Variants in SGO1 observed in about 807,000 individuals in gnomAD.
SGO1 encodes the protein shugoshin 1.
SGO1 carries 39 observed loss-of-function variants against 50.5 expected under a neutral mutation model. The ratio of observed to expected loss-of-function variants is 0.77; its 90% CI spans 0.60 to 1.01. The LOEUF is 1.01. Ranked by LOEUF, SGO1 falls within the 50% of genes least tolerant of loss-of-function variation. The pLI, the probability that SGO1 is intolerant of heterozygous loss-of-function variation, is 0.00. For synonymous variants in SGO1, 191 were observed against 205.1 expected (o/e 0.93, Z 0.59); for missense variants, 638 against 606.0 (o/e 1.05, Z -0.55).
At chr3:20,169,087 C>T (rs1700470991), downstream of SGO1, 7 of 985,064 alleles carry the variant, frequency 7.1e-6, no homozygotes, top group Non-Finnish European at 8.4e-6. Flanking sequence ...GTGTATGAAT[C>T]AGTGATGTGG....
Position 20,174,840 on chromosome 3 carries a change from G to T in SGO1, c.691C>A (p.Pro231Thr). ...TCAGGTATGTGCATGTTTACTAGTG[G>T]GTCTAAAAATCCAACTCTTTCGAAT... ...FEFERVGFLD[P>T]LVNMHIPENV... Residue 231 changes from proline (P) to threonine (T), a missense_variant, in exon 6 of 8, where the codon CCA (proline) becomes ACA (threonine). Transcript: ENST00000412997. 6.2e-7 allele frequency: 1 copy of T among 1,613,918 alleles called. No homozygotes were observed. The highest frequency in any genetic ancestry group is 8.5e-7 in the Non-Finnish European group (1 of 1,179,978).
chr3:20,161,445 C>T (rs1191518356), intron 8 of SGO1, among the ~76,000 whole-genome samples: 1 of 152,068 alleles, frequency 6.6e-6, no homozygotes, highest in Non-Finnish European at 1.5e-5. Flanking sequence ...TGACAGGTTA[C>T]ATAGGCTATG....
At chr3:20,161,829 A>G (rs1396370395) in intron 8 of SGO1, among the ~76,000 whole-genome samples, 1 of 152,250 alleles carries the variant, frequency 6.6e-6, no homozygotes, top group Non-Finnish European at 1.5e-5. Flanking sequence ...ACTTCTGCCT[A>G]TAAAGTCCTC....
In SGO1 at chr3:20,170,742, A is replaced by C. The variant is rs1450914543; in HGVS notation, c.1546T>G (p.Leu516Val). Residue 516 changes from leucine to valine, a missense_variant, in exon 8 of 8, where the codon TTG becomes GTG. Leu to Val is a conservative substitution (Grantham distance 32). Transcript: ENST00000412997. ...NSPIFKQKKD[L>V]RRSKKSMKQI... The stretch of plus-strand genomic sequence containing the variant: ...TTCATACTTTTTTTAGAACGTCTCA[A>C]ATCCTTTTTCTGCTTGAAAATAGGA... 6 of 1,592,672 alleles carry C rather than the reference A, an allele frequency of 3.8e-6. No individual in the cohort carries two copies. Among genetic ancestry groups the C allele is most frequent in the Non-Finnish European group, 4.3e-6 (5 of 1,175,160 alleles).
chr3:20,165,909 G>A (rs906629705), downstream of SGO1, among the ~76,000 whole-genome samples: 6 of 151,960 alleles, frequency 3.9e-5, no homozygotes, highest in African/African-American at 1.5e-4. Context: ...AAAAATAGCT[G>A]GGCATGGTGG....
At position 20,183,915 on chromosome 3, in the gene SGO1, G is replaced by C. The variant is rs1039777962; in HGVS notation, c.113C>G (p.Ser38Cys). The C allele has an allele frequency of 3.7e-6, 6 of 1,612,290 alleles. No homozygotes were observed. In the Admixed American group the frequency reaches 1.0e-4, roughly 27 times the overall value. Residue 38 changes from serine to cysteine, a missense_variant, in exon 2 of 8, where the codon TCT (serine) becomes TGT (cysteine). Physicochemically the swap from Ser to Cys is moderately radical, Grantham distance 112. Coordinates refer to ENST00000412997, the MANE Select transcript of SGO1 (RefSeq NM_001199251.3). ...TATTTGGCATGGTGCAGCTATAAAAGACCTGCGTTTGCCAATCTCTGCCAA... is the reference window on the plus strand; with the variant it reads ...TATTTGGCATGGTGCAGCTATAAAACACCTGCGTTTGCCAATCTCTGCCAA... ...KNLAEIGKRR[S>C]FIAAPCQIIT...
At chr3:20,160,927 G>A (rs1322282132) in exon 9 of SGO1, 2 of 858,418 alleles carry the variant, frequency 2.3e-6, no homozygotes, top group African/African-American at 3.5e-5. Context: ...CCCTGGGAAA[G>A]TTGCTATCTC....
intron 6 of SGO1, among the ~76,000 whole-genome samples, chr3:20,172,908 G>A (rs1700928102): frequency 6.6e-6 from 1 of 151,926 alleles, no homozygotes; most frequent in East Asian, 1.9e-4. Flanking sequence ...TGAGACTGCA[G>A]TGAGCCATGA....
At chr3:20,182,793 C>A (rs1366780860) in intron 3 of SGO1, among the ~76,000 whole-genome samples, 1 of 152,016 alleles carries the variant, frequency 6.6e-6, no homozygotes. Context: ...TCGACATGGG[C>A]GGATCACGAG....
downstream of SGO1, among the ~76,000 whole-genome samples, chr3:20,167,609 C>G (rs1305877003): frequency 1.3e-5 from 2 of 152,100 alleles, no homozygotes; most frequent in Non-Finnish European, 2.9e-5. Flanking sequence ...GTAATTAAAA[C>G]AAAGAAATAA....
At chr3:20,175,104 T>C in intron 5 of SGO1, 49 bp from the exon 6 acceptor site, 1 of 1,362,692 alleles carries the variant, frequency 7.3e-7, no homozygotes, top group Non-Finnish European at 9.5e-7. Flanking sequence ...TTTGTGGAAA[T>C]TTGAATTTCA....
intron 6 of SGO1, among the ~76,000 whole-genome samples, chr3:20,172,811 A>C (rs1022340085): frequency 6.6e-6 from 1 of 150,968 alleles, no homozygotes; most frequent in African/African-American, 2.4e-5. Flanking sequence ...AAAAAAAAAA[A>C]AAAAATTAGC....
At chr3:20,167,103 A>G (rs1270703944), downstream of SGO1, among the ~76,000 whole-genome samples, 1 of 152,192 alleles carries the variant, frequency 6.6e-6, no homozygotes, top group East Asian at 1.9e-4. Context: ...TATACCCAGC[A>G]TAAAGCTAAA....
Position 20,174,583 on chromosome 3 carries a change from A to G in SGO1, c.948T>C (p.Asn316=), listed in dbSNP as rs752232692. Reference sequence around the variant, plus strand: ...TTTTTTTTTGGGGAACAGTTTTTTTATTTTCGCTTTTATTCTCTTTATATT... The same window carrying G: ...TTTTTTTTTGGGGAACAGTTTTTTTGTTTTCGCTTTTATTCTCTTTATATT... ...MSKYKENKSE[N]KKTVPQKKMH... is the part of the protein sequence containing the mutation. Residue 316 remains asparagine (N), a synonymous_variant, in exon 6 of 8, where the codon AAT becomes AAC. Coordinates refer to ENST00000412997, the MANE Select transcript of SGO1 (RefSeq NM_001199251.3). 258 of 1,601,748 alleles carry G rather than the reference A, an allele frequency of 1.6e-4. No individual in the cohort carries two copies. The highest frequency in any genetic ancestry group is 2.2e-4 in the Non-Finnish European group (255 of 1,176,556).
intron 3 of SGO1, among the ~76,000 whole-genome samples, chr3:20,180,596 G>A (rs968633687): frequency 6.6e-6 from 1 of 152,116 alleles, no homozygotes; most frequent in Admixed American, 6.5e-5. Flanking sequence ...TGGGGTTGGT[G>A]CTTGCCTTTA....
At position 20,170,685 on chromosome 3, in the gene SGO1, A is replaced by G. The variant is rs201941394; in HGVS notation, c.*19T>C. The G allele has an allele frequency of 1.1e-5, 17 of 1,557,780 alleles. No individual in the cohort carries two copies. The highest frequency in any genetic ancestry group is 1.5e-5 in the Non-Finnish European group (17 of 1,159,564). ...AGAAAGAGGTGTAGATTGAATTTAA[A>G]CAATATCCAACAAAACCTTCATTGT... is the stretch of plus-strand genomic sequence containing the variant. On this transcript the variant is annotated 3_prime_UTR_variant, in exon 8 of 8. Coordinates refer to ENST00000412997, the MANE Select transcript of SGO1 (RefSeq NM_001199251.3).
downstream of SGO1, among the ~76,000 whole-genome samples, chr3:20,167,091 A>C (rs1412478295): frequency 6.6e-6 from 1 of 152,172 alleles, no homozygotes; most frequent in Non-Finnish European, 1.5e-5. Flanking sequence ...GTGACTATAC[A>C]ATATACCCAG....
In SGO1 at chr3:20,183,987, C is replaced by G; in HGVS notation, c.41G>C (p.Ser14Thr). The part of the protein sequence containing the change: ...ERCLKKSFQD[S>T]LEDIKKRMKE... ...CATTCGCTTCTTTATGTCTTCAAGACTATCTTGAAAGGACTTTTTCAGGCA... is the reference window on the plus strand; with the variant it reads ...CATTCGCTTCTTTATGTCTTCAAGAGTATCTTGAAAGGACTTTTTCAGGCA... Residue 14 changes from serine to threonine, a missense_variant, in exon 2 of 8, where the codon AGT becomes ACT. By Grantham distance (58) the Ser-to-Thr change is moderately conservative. Transcript: ENST00000412997. 6.2e-7 allele frequency: 1 copy of G among 1,605,122 alleles called. No homozygotes were observed. The highest frequency in any genetic ancestry group is 8.5e-7 in the Non-Finnish European group (1 of 1,177,894).
At chr3:20,181,421 T>C (rs961966936) in intron 3 of SGO1, among the ~76,000 whole-genome samples, 12 of 152,234 alleles carry the variant, frequency 7.9e-5, no homozygotes. Flanking sequence ...CACTGCTAAA[T>C]TGATTTGATA....
Sources: allele counts gnomAD v4.1 joint callset (sites outside exome capture counted in the v4.1 genomes callset), GRCh38; gene constraint gnomAD v4.1.1; transcripts MANE v1.5; gene names NCBI Gene and HGNC (gene_info 2026-07-23, HGNC 2026-07-21).